The following ABR variants were observed in gnomAD, a reference collection of about 807,000 sequenced individuals.
ABR encodes ABR activator of RhoGEF and GTPase, also known as active breakpoint cluster region-related protein.
A neutral mutation model predicts 107.2 loss-of-function variants in ABR; 35 were observed. The observed-to-expected ratio is 0.33, with a 90% CI of 0.25 to 0.43. ABR has a LOEUF of 0.43. Among genes scored for constraint, ABR ranks in the 20% least tolerant of loss-of-function variants. The pLI is 1.00. For missense variants in ABR, 815 were observed against 1,115.2 expected (o/e 0.73, Z 3.83); for synonymous variants, 498 against 462.0 (o/e 1.08, Z -1.00).
intron 2 of ABR, among the ~76,000 whole-genome samples, chr17:1,112,621 A>T (rs867215144): frequency 1.3e-5 from 2 of 149,104 alleles, no homozygotes; most frequent in African/African-American, 5.0e-5. Context: ...GGGAGGAAGG[A>T]AGGAAGGAAG....
intron 16 of ABR, among the ~76,000 whole-genome samples, chr17:1,042,567 AAC>A (rs199862671): frequency 0.034 from 2,571 of 74,920 alleles, 90 homozygotes; most frequent in African/African-American, 0.1. Context: ...TGGATGGGTA[AAC>A]AGACATGGCA....
intron 2 of ABR, among the ~76,000 whole-genome samples, chr17:1,109,973 G>C (rs1701327121): frequency 8.1e-6 from 1 of 123,510 alleles, no homozygotes; most frequent in South Asian, 2.9e-4. Flanking sequence ...AGGCGCTGCA[G>C]AGACCAGGAC....
chr17:1,063,996 C>T (rs1196535896), intron 10 of ABR, among the ~76,000 whole-genome samples: 2 of 145,154 alleles, frequency 1.4e-5, no homozygotes, highest in South Asian at 4.5e-4. Context: ...GTTATGTGAA[C>T]TGAGGGTTAT....
At chr17:1,039,369 C>G (rs1324274803) in intron 16 of ABR, among the ~76,000 whole-genome samples, 1 of 152,212 alleles carries the variant, frequency 6.6e-6, no homozygotes, top group African/African-American at 2.4e-5. Context: ...TCAGGAACAC[C>G]TGGGCGATGG....
intron 16 of ABR, among the ~76,000 whole-genome samples, chr17:1,034,859 C>T (rs759483348): frequency 8.5e-5 from 13 of 152,108 alleles, no homozygotes; most frequent in South Asian, 2.1e-4. Context: ...TCCCTGCCGC[C>T]GGGTGTGGGG....
chr17:1,191,703 C>T (rs978755960), upstream of ABR, among the ~76,000 whole-genome samples: 1 of 152,070 alleles, frequency 6.6e-6, no homozygotes, highest in Non-Finnish European at 1.5e-5. Flanking sequence ...AAATGAGGGG[C>T]CTGTTGAAAG....
chr17:1,073,756 C>A, intron 6 of ABR, 79 bp from the exon 7 acceptor site: 2 of 1,327,104 alleles, frequency 1.5e-6, no homozygotes, highest in East Asian at 5.0e-5. Context: ...AGCTTCGTCC[C>A]CCCACCCGCA....
At chr17:1,209,547 C>T (rs954761113) in intron 1 of ABR, among the ~76,000 whole-genome samples, 1 of 152,120 alleles carries the variant, frequency 6.6e-6, no homozygotes, top group Non-Finnish European at 1.5e-5. Context: ...AGTGAGCCAC[C>T]ATGCTCAGCC....
At chr17:1,039,228 C>T (rs1453640292) in intron 16 of ABR, among the ~76,000 whole-genome samples, 1 of 152,106 alleles carries the variant, frequency 6.6e-6, no homozygotes, top group Non-Finnish European at 1.5e-5. Flanking sequence ...GGAGCGGGCG[C>T]CAAGCCTGCC....
At chr17:1,164,823 C>G (rs2041443583) in intron 1 of ABR, among the ~76,000 whole-genome samples, 1 of 152,106 alleles carries the variant, frequency 6.6e-6, no homozygotes, top group African/African-American at 2.4e-5. Flanking sequence ...TCTGCCACCA[C>G]TCCCAGCTAA....
chr17:1,220,493 G>A (rs1174593924), intron 1 of ABR, among the ~76,000 whole-genome samples: 1 of 152,134 alleles, frequency 6.6e-6, no homozygotes, highest in Non-Finnish European at 1.5e-5. Context: ...ACAGACTCAC[G>A]TGGTGTAAAT....
At chr17:1,111,707 C>T (rs1266802361) in intron 2 of ABR, among the ~76,000 whole-genome samples, 1 of 152,256 alleles carries the variant, frequency 6.6e-6, no homozygotes, top group East Asian at 1.9e-4. Context: ...ATTCTCCCGC[C>T]TCCTGTAAAT....
Position 1,050,248 on chromosome 17 carries a change from C to G in ABR, c.1660-67G>C. On this transcript the variant is annotated intron_variant, in intron 15 of 22. Coordinates refer to ENST00000302538, the MANE Select transcript of ABR (RefSeq NM_021962.5). The surrounding 1 kb of genome is among the most constrained non-coding windows in gnomAD (Gnocchi z 4.6). ...GGGAGGCCTGGCTTTCCGGCAGGTG[C>G]GTGCCTCAGCTTTGCAAGGAGGAGG... is the stretch of plus-strand genomic sequence containing the variant. 6.4e-7 allele frequency: 1 copy of G among 1,552,346 alleles called. No individual in the cohort carries two copies. Among genetic ancestry groups the G allele is most frequent in the Non-Finnish European group, 8.7e-7 (1 of 1,153,574 alleles).
chr17:1,087,411 C>T (rs1487088350), intron 4 of ABR, among the ~76,000 whole-genome samples: 1 of 151,860 alleles, frequency 6.6e-6, no homozygotes, highest in African/African-American at 2.4e-5. Flanking sequence ...GGCAGGGGAG[C>T]GGGGGGCATC....
intron 2 of ABR, 63 bp from the exon 3 acceptor site, chr17:1,100,798 G>T: frequency 6.6e-7 from 1 of 1,510,036 alleles, no homozygotes; most frequent in Non-Finnish European, 9.2e-7. Context: ...CTGCGTGGAC[G>T]GTCTGCTTCC....
At position 1,151,250 on chromosome 17, in the gene ABR, T is replaced by A. The variant is rs114847861; in HGVS notation, c.62-25883A>T. On this transcript the variant is annotated intron_variant, in intron 1 of 22. Transcript: ENST00000302538. ...CCTCAGAAGCTCAGCAAGTCAGATC[T>A]CATGACTGCCAGGCTCTCACAGAGG... Among the ~76,000 whole-genome samples the A allele has an allele frequency of 3.2e-3, 480 of 152,262 alleles. 3 individuals carry two copies. The highest frequency in any genetic ancestry group is 0.011 in the African/African-American group (453 of 41,544).
chr17:1,216,076 C>G (rs981397535), intron 1 of ABR, among the ~76,000 whole-genome samples: 3 of 151,222 alleles, frequency 2.0e-5, no homozygotes, highest in Admixed American at 6.6e-5. Context: ...AAACCAGAGA[C>G]CTTTGTTCAC....
At chr17:1,132,922 CAG>C (rs1469518006) in intron 1 of ABR, among the ~76,000 whole-genome samples, 1 of 152,136 alleles carries the variant, frequency 6.6e-6, no homozygotes, top group African/African-American at 2.4e-5. Flanking sequence ...TAGGTACTCA[CAG>C]AAACTCTTGG....
chr17:1,072,205 C>T (rs1468948288), intron 8 of ABR, among the ~76,000 whole-genome samples: 1 of 151,848 alleles, frequency 6.6e-6, no homozygotes, highest in African/African-American at 2.4e-5. Context: ...GCCCGGCCTC[C>T]CTAGATTATT....
Sources: allele counts gnomAD v4.1 joint callset (sites outside exome capture counted in the v4.1 genomes callset), GRCh38; gene constraint gnomAD v4.1.1; non-coding constraint Gnocchi (gnomAD v3.1); transcripts MANE v1.5; gene names NCBI Gene and HGNC (gene_info 2026-07-23, HGNC 2026-07-21).